Variants in RGS12 observed in about 807,000 individuals in gnomAD.
RGS12 encodes regulator of G protein signaling 12.
RGS12 carries 66 observed loss-of-function variants against 120.1 expected under a neutral mutation model. The observed-to-expected ratio is 0.55, with a 90% confidence interval of 0.45 to 0.67. The LOEUF is 0.67. RGS12 is among the 30% of genes least tolerant of loss of function. RGS12 has a pLI of 0.00. For missense variants in RGS12, 1,859 were observed against 1,957.7 expected, an observed-to-expected ratio of 0.95 and a Z score of 0.95; for synonymous variants, 827 against 804.7, an observed-to-expected ratio of 1.03 and a Z score of -0.47.
chr4:3,308,390 C>T (rs1465387615), intron 1 of RGS12, among the ~76,000 whole-genome samples: 1 of 152,176 alleles, frequency 6.6e-6, no homozygotes, highest in Non-Finnish European at 1.5e-5. Flanking sequence ...GCTCGGCGCT[C>T]CTCTTGCTGC....
chr4:3,301,808 G>A (rs1046891172), intron 1 of RGS12, among the ~76,000 whole-genome samples: 1 of 152,072 alleles, frequency 6.6e-6, no homozygotes, highest in Non-Finnish European at 1.5e-5. Flanking sequence ...GGGGTGATGG[G>A]GGACCTCCGA....
intron 4 of RGS12, among the ~76,000 whole-genome samples, chr4:3,397,931 G>A (rs1224330979): frequency 6.6e-6 from 1 of 152,212 alleles, no homozygotes; most frequent in East Asian, 1.9e-4. Flanking sequence ...TAAGAGTATG[G>A]CCTCTGGAGC....
chr4:3,415,201 C>T (rs956114469), intron 6 of RGS12, among the ~76,000 whole-genome samples: 26 of 143,970 alleles, frequency 1.8e-4, no homozygotes, highest in African/African-American at 1.8e-4. Context: ...GAGAGGGCCG[C>T]GTGTGTGTGA....
chr4:3,436,516 T>C (rs1724819219), intron 17 of RGS12, among the ~76,000 whole-genome samples: 4 of 151,902 alleles, frequency 2.6e-5, no homozygotes, highest in African/African-American at 7.3e-5. Context: ...GGGCGGGCAG[T>C]GGGAGAGGTG....
intron 9 of RGS12, 83 bp from the exon 10 acceptor site, chr4:3,420,559 C>A: frequency 7.0e-7 from 1 of 1,420,456 alleles, no homozygotes; most frequent in Non-Finnish European, 9.9e-7. Context: ...GTCTGCTCAG[C>A]CTAAAGGGGG....
At chr4:3,430,280 C>G in intron 16 of RGS12, 127 bp from the exon 17 acceptor site, 1 of 824,038 alleles carries the variant, frequency 1.2e-6, no homozygotes, top group Non-Finnish European at 1.9e-6. Context: ...GAAAAGGGCT[C>G]TTGTTGACCC....
rs1717393911 is a variant in RGS12 at position 3,374,336 on chromosome 4, G to A, written c.1999-12080G>A. Among the ~76,000 whole-genome samples, 1 of 152,176 alleles carries A rather than the reference G, an allele frequency of 6.6e-6. No individual in the cohort carries two copies. Reference sequence around the variant, plus strand: ...TCCACTGGCTTTTCACCACTGTCAGGTCTTCACGGGGGAGGCCTAGGCTGG... The same window carrying A: ...TCCACTGGCTTTTCACCACTGTCAGATCTTCACGGGGGAGGCCTAGGCTGG... On this transcript the variant is annotated intron_variant, in intron 3 of 17. Transcript: ENST00000336727. This position sits in a 1 kb window ranked among gnomAD's most constrained non-coding sequence, Gnocchi z 6.3.
chr4:3,290,166 C>T (rs895873467), upstream of RGS12, among the ~76,000 whole-genome samples: 7 of 152,306 alleles, frequency 4.6e-5, no homozygotes, highest in African/African-American at 1.7e-4. Context: ...TGGATACATA[C>T]TCAGCAATGA....
chr4:3,417,321 C>T (rs1722515149), intron 8 of RGS12, 67 bp from the exon 9 acceptor site: 1 of 1,494,394 alleles, frequency 6.7e-7, no homozygotes, highest in Non-Finnish European at 9.0e-7. Flanking sequence ...GTATTGCCTC[C>T]TTTGCACTTA....
At chr4:3,418,392 G>T (rs914982661) in intron 9 of RGS12, 3 of 152,316 alleles carry the variant, frequency 2.0e-5, no homozygotes, top group Admixed American at 1.3e-4. Flanking sequence ...TTGGGAAAGG[G>T]ATTAGTTTTC....
chr4:3,378,476 G>A (rs1717921571), intron 3 of RGS12: 2 of 152,174 alleles, frequency 1.3e-5, no homozygotes, highest in Non-Finnish European at 2.9e-5. Context: ...AATGAAAAAC[G>A]AACCTGTGAA....
chr4:3,429,852 A>C (rs1241651561), intron 16 of RGS12, among the ~76,000 whole-genome samples: 2 of 152,156 alleles, frequency 1.3e-5, no homozygotes, highest in Non-Finnish European at 2.9e-5. Context: ...CCCTCTGCCC[A>C]GAGGCAGTGA....
intron 2 of RGS12, among the ~76,000 whole-genome samples, chr4:3,331,193 A>G (rs777630383): frequency 1.3e-5 from 2 of 152,216 alleles, no homozygotes; most frequent in African/African-American, 2.4e-5. Context: ...GGTGTAAAAA[A>G]TTCTAACACC....
At chr4:3,306,515 A>G (rs1723974889) in intron 1 of RGS12, among the ~76,000 whole-genome samples, 1 of 152,194 alleles carries the variant, frequency 6.6e-6, no homozygotes, top group Non-Finnish European at 1.5e-5. Flanking sequence ...CTGGAGTTGA[A>G]TATTTGGGCT....
intron 1 of RGS12, among the ~76,000 whole-genome samples, chr4:3,306,380 A>G (rs1723966887): frequency 6.6e-6 from 1 of 152,158 alleles, no homozygotes; most frequent in African/African-American, 2.4e-5. Context: ...AGACGAGGAG[A>G]CGGATGCAGG....
chr4:3,416,183 C>T (rs1322778858), intron 7 of RGS12, 62 bp downstream of exon 7: 5 of 1,577,850 alleles, frequency 3.2e-6, no homozygotes, highest in Non-Finnish European at 4.3e-6. Flanking sequence ...ATAGGGTCCA[C>T]CTTCAAAGAA....
chr4:3,305,212 T>G (rs1463948434), intron 1 of RGS12, among the ~76,000 whole-genome samples: 1 of 152,186 alleles, frequency 6.6e-6, no homozygotes, highest in Non-Finnish European at 1.5e-5. Flanking sequence ...AACCTCATCT[T>G]GGAAGTGACA....
In RGS12 at chr4:3,430,952, C is replaced by T. The variant is rs1352192593; in HGVS notation, c.4111C>T (p.Pro1371Ser). ...CCAGGAAGTGCCAGGACCTTCCAGA[C>T]CAGGTACCTCCAGGTTCTGATCCCT... ...TPQEVPGPSRPGSGTHGSRDL... is the reference protein window; with the variant it reads ...TPQEVPGPSRSGSGTHGSRDL... The change falls in exon 17 of 18, where the codon CCA becomes TCA. Residue 1371 changes from proline (P) to serine (S), a missense_variant. Physicochemically the swap from Pro to Ser is moderately conservative, Grantham distance 74. Around this residue, in one of 3 missense-constraint regions of RGS12, gnomAD observed 517 missense variants for 488.5 expected, o/e 1.06. Transcript: ENST00000336727. The T allele has an allele frequency of 1.2e-5, 19 of 1,612,046 alleles. No homozygotes were observed. The highest frequency in any genetic ancestry group is 1.6e-5 in the Non-Finnish European group (19 of 1,179,948).
Position 3,430,637 on chromosome 4 carries a change from G to C in RGS12, c.3796G>C (p.Glu1266Gln). 2 of 1,605,040 alleles carry C rather than the reference G, an allele frequency of 1.2e-6. No homozygotes were observed. Among genetic ancestry groups the C allele is most frequent in the Middle Eastern group, 1.7e-4 (1 of 6,034 alleles). The change falls in exon 17 of 18, where the codon GAG (glutamate) becomes CAG (glutamine). Residue 1266 changes from glutamate to glutamine, a missense_variant. Glu to Gln is a conservative substitution (Grantham distance 29). This residue lies in a region of RGS12 where 517 missense variants were observed against 488.5 expected (regional missense o/e 1.06). Transcript: ENST00000336727. Reference sequence around the variant, plus strand: ...TGGCGAGCAGTGGGAGCCAGTCCAGGAGAGCAGCGACAGCCCGTCCACCAG... The same window carrying C: ...TGGCGAGCAGTGGGAGCCAGTCCAGCAGAGCAGCGACAGCCCGTCCACCAG... The part of the protein sequence containing the change: ...QPGEQWEPVQ[E>Q]SSDSPSTSPG...
Sources: allele counts gnomAD v4.1 joint callset (sites outside exome capture counted in the v4.1 genomes callset), GRCh38; gene constraint gnomAD v4.1.1; regional missense constraint gnomAD v4.1.1; non-coding constraint Gnocchi (gnomAD v3.1); transcripts MANE v1.5; gene names NCBI Gene and HGNC (gene_info 2026-07-23, HGNC 2026-07-21).